The following PVT1 variants were observed in gnomAD, a reference collection of about 807,000 sequenced individuals.
The protein encoded by PVT1 is Pvt1 oncogene.
intron 3 of PVT1, among the ~76,000 whole-genome samples, chr8:127,923,541 C>A (rs539700538): frequency 6.6e-6 from 1 of 152,318 alleles, no homozygotes; most frequent in Non-Finnish European, 1.5e-5. Context: ...GTCCCCGCTT[C>A]TGAGCAGGAT....
intron 2 of PVT1, among the ~76,000 whole-genome samples, chr8:127,859,481 G>A (rs1368924184): frequency 6.6e-6 from 1 of 152,088 alleles, no homozygotes; most frequent in African/African-American, 2.4e-5. Flanking sequence ...ACCCTAGACT[G>A]CTCCTCCTAA....
chr8:127,808,495 G>C (rs1814553301), intron 2 of PVT1, among the ~76,000 whole-genome samples: 1 of 152,132 alleles, frequency 6.6e-6, no homozygotes, highest in African/African-American at 2.4e-5. Flanking sequence ...GAACGTCCAG[G>C]GTCCAGATGA....
intron 4 of PVT1, among the ~76,000 whole-genome samples, chr8:127,991,617 A>G (rs1817042541): frequency 6.6e-6 from 1 of 152,102 alleles, no homozygotes; most frequent in South Asian, 2.1e-4. Flanking sequence ...TCTGAAAGCC[A>G]GAAGCTTGGC....
chr8:127,878,650 T>C (rs1247667620), intron 2 of PVT1, among the ~76,000 whole-genome samples: 5 of 152,188 alleles, frequency 3.3e-5, no homozygotes, highest in Non-Finnish European at 7.3e-5. Flanking sequence ...TCTGGTCTGG[T>C]CTAGTTAATT....
intron 2 of PVT1, among the ~76,000 whole-genome samples, chr8:127,810,430 G>A (rs112559551): frequency 2.0e-5 from 3 of 152,312 alleles, no homozygotes; most frequent in African/African-American, 7.2e-5. Flanking sequence ...TGAGTGCCTG[G>A]TGCGTCAGAG....
At chr8:127,970,592 C>T (rs1816755248) in intron 3 of PVT1, among the ~76,000 whole-genome samples, 1 of 152,060 alleles carries the variant, frequency 6.6e-6, no homozygotes, top group Non-Finnish European at 1.5e-5. Context: ...AGCAACCACG[C>T]CCAGCCGACT....
chr8:127,824,359 T>G (rs1814764645), intron 2 of PVT1, among the ~76,000 whole-genome samples: 1 of 152,186 alleles, frequency 6.6e-6, no homozygotes, highest in South Asian at 2.1e-4. Context: ...TTCAGCCCCA[T>G]GTGTCCCAGG....
At chr8:127,965,889 G>T (rs929163378) in intron 3 of PVT1, among the ~76,000 whole-genome samples, 1 of 152,186 alleles carries the variant, frequency 6.6e-6, no homozygotes, top group South Asian at 2.1e-4. Context: ...CTTTAGGTGA[G>T]GGGGAGAGGC....
At chr8:127,902,023 A>C (rs1815765252) in intron 3 of PVT1, among the ~76,000 whole-genome samples, 1 of 152,174 alleles carries the variant, frequency 6.6e-6, no homozygotes, top group Admixed American at 6.5e-5. Context: ...CATGATAATA[A>C]CACTAATACA....
chr8:128,069,452 C>G (rs1159165830), intron 4 of PVT1, among the ~76,000 whole-genome samples: 1 of 152,232 alleles, frequency 6.6e-6, no homozygotes, highest in Non-Finnish European at 1.5e-5. Context: ...ACAGCGCACA[C>G]TGCTGCACTC....
intron 3 of PVT1, among the ~76,000 whole-genome samples, chr8:127,987,021 A>G (rs1816977597): frequency 6.6e-6 from 1 of 152,174 alleles, no homozygotes; most frequent in Admixed American, 6.5e-5. Flanking sequence ...TCTTGGTGTC[A>G]GGCAGACTCC....
At chr8:127,922,287 C>A (rs79158894) in intron 3 of PVT1, among the ~76,000 whole-genome samples, 17 of 76,756 alleles carry the variant, frequency 2.2e-4, no homozygotes, top group East Asian at 3.5e-4. Context: ...CCCCCCCCCC[C>A]ACCAAGGAGG....
intron 3 of PVT1, among the ~76,000 whole-genome samples, chr8:127,928,947 G>T (rs977272322): frequency 6.6e-6 from 1 of 152,208 alleles, no homozygotes. Flanking sequence ...TTTGTAAAGG[G>T]TATAATTTAC....
chr8:127,896,743 A>T (rs1222819417), intron 3 of PVT1, among the ~76,000 whole-genome samples: 1 of 151,152 alleles, frequency 6.6e-6, no homozygotes. Context: ...TAAGCCCAGC[A>T]TGCATTAGCT....
chr8:127,923,410 G>A (rs1045144344), intron 3 of PVT1, among the ~76,000 whole-genome samples: 1 of 152,226 alleles, frequency 6.6e-6, no homozygotes, highest in African/African-American at 2.4e-5. Flanking sequence ...CATCTTTGAT[G>A]AAGCGTTCAG....
chr8:127,864,213 C>T (rs1182388728), intron 2 of PVT1, among the ~76,000 whole-genome samples: 1 of 152,066 alleles, frequency 6.6e-6, no homozygotes, highest in African/African-American at 2.4e-5. Context: ...CAGGTCAATT[C>T]AGTGTGGGTT....
intron 2 of PVT1, among the ~76,000 whole-genome samples, chr8:127,832,262 C>A (rs148040402): frequency 6.6e-6 from 1 of 152,148 alleles, no homozygotes; most frequent in Non-Finnish European, 1.5e-5. Flanking sequence ...TATATTCCCA[C>A]GCAGAGATAG....
At chr8:127,812,178 G>A (rs1397589922) in intron 2 of PVT1, among the ~76,000 whole-genome samples, 1 of 139,540 alleles carries the variant, frequency 7.2e-6, no homozygotes, top group Non-Finnish European at 1.6e-5. Flanking sequence ...GGAAGAGGGA[G>A]AGAGGGAGGG....
At chr8:127,970,709 T>C (rs1010027588) in intron 3 of PVT1, among the ~76,000 whole-genome samples, 1 of 151,702 alleles carries the variant, frequency 6.6e-6, no homozygotes, top group African/African-American at 2.4e-5. Flanking sequence ...CACTTTAGGG[T>C]TAAATAAAGC....
Sources: allele counts gnomAD v4.1 joint callset (sites outside exome capture counted in the v4.1 genomes callset), GRCh38; gene constraint gnomAD v4.1.1; transcripts MANE v1.5; gene names NCBI Gene and HGNC (gene_info 2026-07-23, HGNC 2026-07-21).